FGF12: variants seen among roughly 807,000 people sequenced by gnomAD.
The protein encoded by FGF12 is fibroblast growth factor 12.
In FGF12, 14 loss-of-function variants were observed where a neutral mutation model predicts 23.6. That is an observed-to-expected ratio of 0.59 (90% confidence interval 0.39 to 0.93). The LOEUF is 0.93. Among genes scored for constraint, FGF12 ranks in the 40% least tolerant of loss-of-function variants. FGF12 has a pLI of 0.00. For missense variants in FGF12, 175 were observed against 217.8 expected, an observed-to-expected ratio of 0.80 and a Z score of 1.24; for synonymous variants, 62 against 77.3, an observed-to-expected ratio of 0.80 and a Z score of 1.04.
rs143662737 is a variant in FGF12 at position 192,425,665 on chromosome 3, CATA to C, written c.14-65130_14-65128del. ...ATATATGGAGATATATGATAGAAAT[CATA>C]ATAAATCACTAGCGAATAGAATGCA... is the stretch of plus-strand genomic sequence containing the variant. On this transcript the variant is annotated intron_variant, in intron 2 of 5. Transcript: ENST00000445105. Among the ~76,000 whole-genome samples the C allele has an allele frequency of 6.9e-3, 1,058 of 152,256 alleles. 14 individuals carry two copies. Among genetic ancestry groups the C allele is most frequent in the African/African-American group, 0.023 (951 of 41,544 alleles).
At chr3:192,451,812 A>C (rs1392230300) in intron 2 of FGF12, among the ~76,000 whole-genome samples, 3 of 152,204 alleles carry the variant, frequency 2.0e-5, no homozygotes, top group African/African-American at 7.2e-5. Context: ...AAATTTATTT[A>C]TGCATTCCGC....
chr3:192,682,620 T>C (rs1186256719), intron 2 of FGF12, among the ~76,000 whole-genome samples: 2 of 152,226 alleles, frequency 1.3e-5, no homozygotes, highest in Admixed American at 1.3e-4. Flanking sequence ...ATTTGGTCTT[T>C]GTCCTGGGCT....
At position 192,332,932 on chromosome 3, in the gene FGF12, C is replaced by T. The variant is rs146737169; in HGVS notation, c.228+2429G>A. ...AACAGATGACTTTTAACTCACGAGG[C>T]GAAAGCATTGTGATTCTAGATGTGA... is the stretch of plus-strand genomic sequence containing the variant. On this transcript the variant is annotated intron_variant, in intron 4 of 5. Transcript: ENST00000445105. 1.3e-3 allele frequency among the ~76,000 whole-genome samples: 192 copies of T among 152,172 alleles called. 1 individual carries two copies. The highest frequency in any genetic ancestry group is 4.4e-3 in the African/African-American group (182 of 41,520).
chr3:192,511,596 C>T (rs1057350070), intron 2 of FGF12, among the ~76,000 whole-genome samples: 10 of 152,142 alleles, frequency 6.6e-5, no homozygotes, highest in Non-Finnish European at 1.2e-4. Flanking sequence ...AAACTAAAAA[C>T]TTAATATATT....
intron 2 of FGF12, among the ~76,000 whole-genome samples, chr3:192,466,020 T>C (rs867057705): frequency 5.9e-5 from 9 of 152,282 alleles, no homozygotes; most frequent in South Asian, 4.1e-4. Flanking sequence ...ACTGTGAGCA[T>C]TGTGCGATCA....
At chr3:192,257,796 C>T (rs185983231) in intron 4 of FGF12, among the ~76,000 whole-genome samples, 1 of 152,088 alleles carries the variant, frequency 6.6e-6, no homozygotes, top group Admixed American at 6.6e-5. Flanking sequence ...GATTTCATAA[C>T]AAGGAATACA....
At chr3:192,384,450 C>T (rs1719956784) in intron 2 of FGF12, among the ~76,000 whole-genome samples, 1 of 152,148 alleles carries the variant, frequency 6.6e-6, no homozygotes, top group African/African-American at 2.4e-5. Flanking sequence ...AGATTTAGAA[C>T]ACAGGAGATT....
rs1721057837 is a variant in FGF12, at chr3:192,408,442, C to T, written c.14-47904G>A. ...TGTGTGAAAATCCAGATGTAAACTT[C>T]CCCAACCTCTGGCGGCCGGGGGGCG... On this transcript the variant is annotated intron_variant, in intron 2 of 5. Transcript: ENST00000445105. This position sits in a 1 kb window ranked among gnomAD's most constrained non-coding sequence, Gnocchi z 7.3. The T allele has an allele frequency of 6.5e-6, 9 of 1,384,506 alleles. No homozygotes were observed. The highest frequency in any genetic ancestry group is 5.6e-6 in the Non-Finnish European group (6 of 1,075,298). The allele number at this position is 1,384,506 out of a possible 1,614,324, so 85.8% of individuals were successfully genotyped here. A position where few individuals can be genotyped will look rare whatever the true frequency, so the allele number is the denominator to read the frequency against.
intron 4 of FGF12, among the ~76,000 whole-genome samples, chr3:192,309,619 AAC>A (rs1448360013): frequency 4.6e-5 from 7 of 152,312 alleles, no homozygotes; most frequent in East Asian, 1.9e-4. Context: ...TTCAACAGGA[AAC>A]ACAGTGAGGA....
At chr3:192,274,773 A>G (rs551798128) in intron 4 of FGF12, among the ~76,000 whole-genome samples, 100 of 152,354 alleles carry the variant, frequency 6.6e-4, no homozygotes, top group African/African-American at 2.4e-3. Flanking sequence ...GTGGCACTAA[A>G]GAAACAAAGT....
chr3:192,252,601 G>A (rs1459584152), intron 4 of FGF12, among the ~76,000 whole-genome samples: 1 of 151,580 alleles, frequency 6.6e-6, no homozygotes, highest in Non-Finnish European at 1.5e-5. Flanking sequence ...TATGTTGGTT[G>A]CTTCTAACTA....
chr3:192,555,928 T>C (rs956276296), intron 2 of FGF12, among the ~76,000 whole-genome samples: 5 of 152,112 alleles, frequency 3.3e-5, no homozygotes, highest in Non-Finnish European at 5.9e-5. Flanking sequence ...CAATTGAAAT[T>C]ATTAGCTAAA....
chr3:192,209,520 G>C (rs1219171247), intron 4 of FGF12, among the ~76,000 whole-genome samples: 5 of 152,162 alleles, frequency 3.3e-5, no homozygotes, highest in African/African-American at 4.8e-5. Context: ...AAAAGAGAAT[G>C]TATTCTTGTC....
intron 2 of FGF12, among the ~76,000 whole-genome samples, chr3:192,451,397 A>G (rs1328405978): frequency 2.0e-5 from 3 of 152,164 alleles, no homozygotes; most frequent in Non-Finnish European, 4.4e-5. Flanking sequence ...CATAAAATAC[A>G]TTGTTCTTGA....
At chr3:192,301,430 T>C (rs1715343431) in intron 4 of FGF12, among the ~76,000 whole-genome samples, 1 of 152,234 alleles carries the variant, frequency 6.6e-6, no homozygotes, top group Non-Finnish European at 1.5e-5. Flanking sequence ...ACTTATTATG[T>C]GTCAGGTACC....
chr3:192,372,047 G>A lies in FGF12; in HGVS notation c.14-11509C>T, dbSNP rs969928073. On this transcript the variant is annotated intron_variant, in intron 2 of 5. Coordinates refer to ENST00000445105, the MANE Select transcript of FGF12 (RefSeq NM_004113.6). ...TGTCACAAAAAAAAGTGGCGGGGCT[G>A]TAGACACTTCTATGCACACAGAAAG... Among the ~76,000 whole-genome samples, 8 of 152,148 alleles carry A rather than the reference G, an allele frequency of 5.3e-5. No homozygotes were observed. The South Asian group carries it at 6.2e-4, about 12-fold the overall frequency.
At chr3:192,353,400 C>T (rs373346996) in intron 3 of FGF12, among the ~76,000 whole-genome samples, 78 of 121,948 alleles carry the variant, frequency 6.4e-4, no homozygotes, top group African/African-American at 2.4e-3. Context: ...GATGGAGTCT[C>T]GCTCTGTCAC....
chr3:192,436,172 T>A (rs1226657751), intron 2 of FGF12, among the ~76,000 whole-genome samples: 1 of 152,098 alleles, frequency 6.6e-6, no homozygotes, highest in Non-Finnish European at 1.5e-5. Flanking sequence ...CTCACTCCCA[T>A]TGTAGATGGT....
rs191476203 is a variant in FGF12, at chr3:192,200,277, C to T, written c.229-29621G>A. 2.6e-5 allele frequency among the ~76,000 whole-genome samples: 4 copies of T among 151,708 alleles called. No individual in the cohort carries two copies. The East Asian group carries it at 7.7e-4, about 29-fold the overall frequency. On this transcript the variant is annotated intron_variant, in intron 4 of 5. Coordinates refer to ENST00000445105, the MANE Select transcript of FGF12 (RefSeq NM_004113.6). ...CCAGGAGGCAGAAGTTGCAGTGAGC[C>T]GAGATTGTGCCACTGCACTCCAGCA...
Sources: gnomAD v4.1 joint callset for allele counts (sites outside exome capture counted in the v4.1 genomes callset) on GRCh38, gnomAD v4.1.1 for gene constraint, Gnocchi (gnomAD v3.1) non-coding constraint, MANE v1.5 for transcripts, NCBI Gene and HGNC (gene_info 2026-07-23, HGNC 2026-07-21) for gene names.